Variants in ST3GAL4 observed in about 807,000 individuals in gnomAD.
ST3GAL4 encodes CMP-N-acetylneuraminate-beta-galactosamide-alpha-2,3-sialyltransferase 4.
A neutral mutation model predicts 42.6 loss-of-function variants in ST3GAL4; 24 were observed. That is an observed-to-expected ratio of 0.56 (90% CI 0.41 to 0.79). The LOEUF (loss-of-function observed/expected upper bound fraction) is 0.79, where lower values mean the gene tolerates loss of function less well. Ranked by LOEUF, ST3GAL4 falls within the 30% of genes least tolerant of loss-of-function variation. ST3GAL4 has a pLI of 0.00. For missense variants in ST3GAL4, 311 were observed against 430.8 expected (o/e 0.72, Z 2.46); for synonymous variants, 135 against 163.2 (o/e 0.83, Z 1.32).
chr11:126,409,516 G>T lies in ST3GAL4; in HGVS notation c.771+105G>T. On this transcript the variant is annotated intron_variant, in intron 9 of 10. Coordinates refer to ENST00000444328, the MANE Select transcript of ST3GAL4 (RefSeq NM_001254757.2). This position sits in a 1 kb window ranked among gnomAD's most constrained non-coding sequence, Gnocchi z 4.9. Reference sequence around the variant, plus strand: ...CTGGAAGGATCCCATAACAGAGGCGGCGGTTTGCATTTTCCCTCCAGGAAC... The same window carrying T: ...CTGGAAGGATCCCATAACAGAGGCGTCGGTTTGCATTTTCCCTCCAGGAAC... 1 of 1,501,502 alleles carries T rather than the reference G, an allele frequency of 6.7e-7. No individual in the cohort carries two copies. The highest frequency in any genetic ancestry group is 1.9e-5 in the Admixed American group (1 of 53,356). 93.0% of individuals were successfully genotyped at this position (1,501,502 alleles called of 1,614,324 possible).
chr11:126,382,024 C>A (rs547026318), intron 1 of ST3GAL4, among the ~76,000 whole-genome samples: 1 of 152,232 alleles, frequency 6.6e-6, no homozygotes, highest in East Asian at 1.9e-4. Context: ...CCACCCCCAT[C>A]AGAGGGCCTG....
chr11:126,364,062 G>A (rs1469076817), intron 1 of ST3GAL4, among the ~76,000 whole-genome samples: 2 of 152,248 alleles, frequency 1.3e-5, no homozygotes, highest in Admixed American at 1.3e-4. Flanking sequence ...GCAAGTGTTT[G>A]TCCCCCATCT....
chr11:126,384,763 G>C lies in ST3GAL4; in HGVS notation c.-60-21333G>C. 2.0e-5 allele frequency: 20 copies of C among 985,314 alleles called. No homozygotes were observed. The highest frequency in any genetic ancestry group is 2.4e-5 in the Non-Finnish European group (20 of 829,908). The allele number at this position is 985,314 out of a possible 1,614,324, so 61.0% of individuals were successfully genotyped here. On this transcript the variant is annotated intron_variant, in intron 1 of 10. Transcript: ENST00000444328. The surrounding 1 kb of genome is among the most constrained non-coding windows in gnomAD (Gnocchi z 5.5). ...GCTGGGCCATGGGTGAATCTGAGTC[G>C]AGGGCAGGACAGAGTGGGAGTGGCA...
intron 1 of ST3GAL4, among the ~76,000 whole-genome samples, chr11:126,402,975 C>G (rs1347403621): frequency 6.6e-6 from 1 of 152,206 alleles, no homozygotes; most frequent in Non-Finnish European, 1.5e-5. Flanking sequence ...GGATTCGATG[C>G]CTGCTTTCCC....
At chr11:126,364,786 C>T (rs1952368255) in intron 1 of ST3GAL4, among the ~76,000 whole-genome samples, 2 of 151,540 alleles carry the variant, frequency 1.3e-5, no homozygotes, top group South Asian at 4.2e-4. Flanking sequence ...TCTCAGCCCA[C>T]TCATCCAGGG....
intron 1 of ST3GAL4, among the ~76,000 whole-genome samples, chr11:126,399,909 AC>A (rs1314467455): frequency 2.0e-5 from 3 of 151,672 alleles, no homozygotes; most frequent in South Asian, 2.1e-4. Context: ...TATTTCTACC[AC>A]CATTCTGATC....
rs1436631533 is a variant in ST3GAL4, at chr11:126,413,654, T to G, written c.915+6T>G. 6.2e-7 allele frequency: 1 copy of G among 1,613,682 alleles called. No individual in the cohort carries two copies. Among genetic ancestry groups the G allele is most frequent in the African/African-American group, 1.3e-5 (1 of 74,948 alleles). On this transcript the variant is annotated splice_donor_region_variant and intron_variant, in intron 10 of 10. Transcript: ENST00000444328. ...TCACGCTCAAGTCCATGGCGGTAAGTGCCTGGCTTGTGAGCATGGTGGGCC... is the reference window on the plus strand; with the variant it reads ...TCACGCTCAAGTCCATGGCGGTAAGGGCCTGGCTTGTGAGCATGGTGGGCC...
chr11:126,361,896 T>G (rs181318464), intron 1 of ST3GAL4, among the ~76,000 whole-genome samples: 1 of 152,044 alleles, frequency 6.6e-6, no homozygotes, highest in Non-Finnish European at 1.5e-5. Context: ...TTTTTTTTTT[T>G]TTTGAGATGG....
chr11:126,396,054 G>A lies in ST3GAL4; in HGVS notation c.-60-10042G>A, dbSNP rs1953741145. 6.6e-6 allele frequency among the ~76,000 whole-genome samples: 1 copy of A among 151,172 alleles called. No homozygotes were observed. ...GGTCTGTTCTTGGCACTTGCAATTA[G>A]CGGACCGTCTGTATCCGAGTGTTGA... On this transcript the variant is annotated intron_variant, in intron 1 of 10. Transcript: ENST00000444328. This position sits in a 1 kb window ranked among gnomAD's most constrained non-coding sequence, Gnocchi z 5.8.
At position 126,400,463 on chromosome 11, in the gene ST3GAL4, T is replaced by C. The variant is rs1953952435; in HGVS notation, c.-60-5633T>C. Among the ~76,000 whole-genome samples, 1 of 152,106 alleles carries C rather than the reference T, an allele frequency of 6.6e-6. No homozygotes were observed. Among genetic ancestry groups the C allele is most frequent in the African/African-American group, 2.4e-5 (1 of 41,394 alleles). The stretch of plus-strand genomic sequence containing the variant: ...CACATTCAAACCATAGCAGGCACCT[T>C]AATAAAGGTGGAAAAGGGATGTGGC... On this transcript the variant is annotated intron_variant, in intron 1 of 10. Transcript: ENST00000444328. The surrounding 1 kb of genome is among the most constrained non-coding windows in gnomAD (Gnocchi z 4.6).
chr11:126,381,634 AGTCCAGCCACCGACTTCT>A (rs1314809782), intron 1 of ST3GAL4, among the ~76,000 whole-genome samples: 58 of 144,656 alleles, frequency 4.0e-4, no homozygotes, highest in African/African-American at 1.4e-3. Context: ...GGGAGGGTGG[AGTCCAGCCACCGACTTCT>A]GCTTGTGGAT....
chr11:126,403,695 G>C (rs1393271673), intron 1 of ST3GAL4, among the ~76,000 whole-genome samples: 4 of 152,194 alleles, frequency 2.6e-5, no homozygotes, highest in African/African-American at 9.7e-5. Context: ...GAGGGAGCAG[G>C]GAGGGTGAGA....
At chr11:126,407,136 A>G (rs916791265) in intron 4 of ST3GAL4, 113 bp downstream of exon 4, 105 of 1,449,564 alleles carry the variant, frequency 7.2e-5, no homozygotes, top group Admixed American at 3.4e-5. Flanking sequence ...GACATGGGTT[A>G]GGTGAAGCCA....
intron 8 of ST3GAL4, 183 bp downstream of exon 8, chr11:126,408,679 C>G: frequency 1.5e-6 from 1 of 671,138 alleles, no homozygotes; most frequent in Non-Finnish European, 2.5e-6. Flanking sequence ...GATAAGCTGC[C>G]CCAGCAACTG....
At chr11:126,382,939 G>A (rs1185864868) in intron 1 of ST3GAL4, among the ~76,000 whole-genome samples, 1 of 152,248 alleles carries the variant, frequency 6.6e-6, no homozygotes, top group Non-Finnish European at 1.5e-5. Context: ...AGGCCTTGCA[G>A]GTTCCTGGAT....
chr11:126,360,944 C>G (rs1027348631), intron 1 of ST3GAL4, among the ~76,000 whole-genome samples: 31 of 152,240 alleles, frequency 2.0e-4, no homozygotes, highest in African/African-American at 7.5e-4. Context: ...GGTCTGGCCC[C>G]ATCTGTGTGC....
Position 126,407,271 on chromosome 11 carries a change from A to T in ST3GAL4, c.202A>T (p.Ile68Phe), listed in dbSNP as rs1271337086. Residue 68 changes from isoleucine to phenylalanine, a missense_variant, in exon 5 of 11, where the codon ATC becomes TTC. By Grantham distance (21) the Ile-to-Phe change is conservative. Transcript: ENST00000444328. ...LFGNYSRDQPIFLRLEDYFWV... is the reference protein window; with the variant it reads ...LFGNYSRDQPFFLRLEDYFWV... Reference sequence around the variant, plus strand: ...GTGCAGCTACTCCCGGGATCAGCCCATCTTCCTGCGGCTTGAGGATTATTT... The same window carrying T: ...GTGCAGCTACTCCCGGGATCAGCCCTTCTTCCTGCGGCTTGAGGATTATTT... 1.2e-6 allele frequency: 2 copies of T among 1,614,098 alleles called. No homozygotes were observed. Among genetic ancestry groups the T allele is most frequent in the African/African-American group, 2.7e-5 (2 of 74,932 alleles).
intron 1 of ST3GAL4, among the ~76,000 whole-genome samples, chr11:126,380,789 G>A (rs1278186214): frequency 1.3e-5 from 2 of 152,172 alleles, no homozygotes; most frequent in Non-Finnish European, 2.9e-5. Flanking sequence ...GCTGCCGCAT[G>A]GAGCTTCCCT....
At position 126,413,622 on chromosome 11, in the gene ST3GAL4, G is replaced by T; in HGVS notation, c.889G>T (p.Glu297Ter). 6.2e-7 allele frequency: 1 copy of T among 1,614,266 alleles called. No individual in the cohort carries two copies. The highest frequency in any genetic ancestry group is 1.1e-5 in the South Asian group (1 of 91,088). Residue 297 changes from glutamate to a stop codon, truncating the protein, a stop_gained, in exon 10 of 11, where the codon GAG (glutamate) becomes TAG (stop). Coordinates refer to ENST00000444328, the MANE Select transcript of ST3GAL4 (RefSeq NM_001254757.2). LOFTEE classifies it high-confidence loss of function. ...YNKKQTIHYY[E>*]QITLKSMAGS... Reference sequence around the variant, plus strand: ...CAAGAAGCAGACCATTCACTACTATGAGCAGATCACGCTCAAGTCCATGGC... The same window carrying T: ...CAAGAAGCAGACCATTCACTACTATTAGCAGATCACGCTCAAGTCCATGGC...
Sources: allele counts gnomAD v4.1 joint callset (sites outside exome capture counted in the v4.1 genomes callset), GRCh38; gene constraint gnomAD v4.1.1; non-coding constraint Gnocchi (gnomAD v3.1); transcripts MANE v1.5; gene names NCBI Gene and HGNC (gene_info 2026-07-23, HGNC 2026-07-21).